Variants in NUP98 observed in about 807,000 individuals in gnomAD.
The protein encoded by NUP98 is nuclear pore complex protein Nup98-Nup96.
NUP98 carries 26 observed loss-of-function variants against 191.9 expected under a neutral mutation model. The observed-to-expected ratio is 0.14, with a 90% confidence interval of 0.10 to 0.19. The LOEUF (loss-of-function observed/expected upper bound fraction) is 0.19, where lower values mean the gene tolerates loss of function less well. NUP98 is among the 10% of genes least tolerant of loss of function. The pLI is 1.00. For synonymous variants in NUP98, 808 were observed against 778.4 expected (o/e 1.04, Z -0.63); for missense variants, 1,941 against 2,178.8 (o/e 0.89, Z 2.17).
intron 10 of NUP98, among the ~76,000 whole-genome samples, chr11:3,754,431 T>C (rs1269429992): frequency 6.6e-6 from 1 of 151,814 alleles, no homozygotes; most frequent in African/African-American, 2.4e-5. Context: ...TCAAAAAAAA[T>C]ACAAAATAAA....
intron 17 of NUP98, 55 bp downstream of exon 17, chr11:3,720,657 C>CA: frequency 1.0e-6 from 1 of 961,714 alleles, no homozygotes; most frequent in East Asian, 2.5e-5. Flanking sequence ...CCCCTAATTA[C>CA]AAAAATAAGG....
At chr11:3,753,289 C>T in intron 11 of NUP98, 27 bp downstream of exon 11, 1 of 1,558,628 alleles carries the variant, frequency 6.4e-7, no homozygotes. Flanking sequence ...GTGTCACTTC[C>T]TAGATCTCAT....
intron 23 of NUP98, 152 bp downstream of exon 23, chr11:3,702,311 A>ACTCTCT (rs2078716567): frequency 1.0e-4 from 43 of 424,052 alleles, no homozygotes; most frequent in African/African-American, 1.3e-4. Context: ...ACACACACAC[A>ACTCTCT]CACTCTCTCT....
At chr11:3,777,620 C>CAAAAA (rs35614116) in intron 4 of NUP98, among the ~76,000 whole-genome samples, 7 of 59,410 alleles carry the variant, frequency 1.2e-4, no homozygotes, top group African/African-American at 1.3e-4. Context: ...GACTCCGTCT[C>CAAAAA]AAAAAAAAAA....
At chr11:3,694,192 G>A (rs2078422258) in intron 26 of NUP98, among the ~76,000 whole-genome samples, 1 of 151,870 alleles carries the variant, frequency 6.6e-6, no homozygotes, top group South Asian at 2.1e-4. Flanking sequence ...GCCAACATGG[G>A]GAAACCCGTC....
intron 11 of NUP98, among the ~76,000 whole-genome samples, chr11:3,746,294 A>AAAAAAAG (rs144936005): frequency 0.017 from 1,553 of 92,134 alleles, 184 homozygotes; most frequent in African/African-American, 0.033. Context: ...AAAAAAAAAA[A>AAAAAAAG]GACAGCTTTG....
rs760832963 is a variant in NUP98, at chr11:3,735,315, T to G, written c.1418A>C (p.Asp473Ala). 1 of 1,529,044 alleles carries G rather than the reference T, an allele frequency of 6.5e-7. No homozygotes were observed. The highest frequency in any genetic ancestry group is 8.8e-7 in the Non-Finnish European group (1 of 1,139,090). 94.7% of individuals were successfully genotyped at this position (1,529,044 alleles called of 1,614,324 possible). A position where few individuals can be genotyped will look rare whatever the true frequency, so the allele number is the denominator to read the frequency against. The change falls in exon 13 of 33, where the codon GAT becomes GCT. Residue 473 changes from aspartate to alanine, a missense_variant. This residue lies in a region of NUP98 where 453 missense variants were observed against 438.2 expected (regional missense o/e 1.03). Transcript: ENST00000324932. Reference protein sequence around the residue: ...GAPQAPVALTDPNASAAQQAV... With the variant: ...GAPQAPVALTAPNASAAQQAV... ...CTGCTGGGCAGCAGAAGCATTTGGA[T>G]CTGTCAAAGCTTTTAAAAAAAAAAA...
chr11:3,707,801 T>C (rs532861619), intron 20 of NUP98, among the ~76,000 whole-genome samples: 1 of 143,722 alleles, frequency 7.0e-6, no homozygotes, highest in Non-Finnish European at 1.5e-5. Context: ...GGGCTCCCAC[T>C]TAAATTTTAA....
chr11:3,707,065 TA>T (rs1212356405), intron 20 of NUP98, among the ~76,000 whole-genome samples: 1 of 152,208 alleles, frequency 6.6e-6, no homozygotes, highest in Non-Finnish European at 1.5e-5. Context: ...TGCTTTTTCT[TA>T]AAAACATTTA....
chr11:3,765,157 G>C lies in NUP98; in HGVS notation c.949-2118C>G, dbSNP rs145163233. Among the ~76,000 whole-genome samples the C allele has an allele frequency of 2.5e-3, 376 of 152,282 alleles. 1 individual carries two copies. The highest frequency in any genetic ancestry group is 8.9e-3 in the African/African-American group (368 of 41,568). On this transcript the variant is annotated intron_variant, in intron 8 of 32. Transcript: ENST00000324932. The stretch of plus-strand genomic sequence containing the variant: ...TTCCACTTACAGGTCTTTTCACTTT[G>C]ATGATATCCCTTTGATATATAAATG...
At chr11:3,707,734 G>A (rs2078900705) in intron 20 of NUP98, among the ~76,000 whole-genome samples, 1 of 4,668 alleles carries the variant, frequency 2.1e-4, no homozygotes, top group Non-Finnish European at 3.5e-4. Context: ...ATGAGACTCT[G>A]TCTCAAAAAA....
At chr11:3,758,868 G>A (rs187599363) in intron 10 of NUP98, among the ~76,000 whole-genome samples, 2 of 152,102 alleles carry the variant, frequency 1.3e-5, no homozygotes, top group Non-Finnish European at 2.9e-5. Context: ...GCCTCAAAAC[G>A]GTTGTTTCAA....
rs760905852 is a variant in NUP98, at chr11:3,776,059, G to A, written c.356-38C>T. 2.7e-6 allele frequency: 4 copies of A among 1,502,404 alleles called. No homozygotes were observed. In the East Asian group the frequency reaches 9.2e-5, roughly 35 times the overall value. 93.1% of individuals were successfully genotyped at this position (1,502,404 alleles called of 1,614,324 possible). A position where few individuals can be genotyped will look rare whatever the true frequency, so the allele number is the denominator to read the frequency against. On this transcript the variant is annotated intron_variant, in intron 4 of 32. Coordinates refer to ENST00000324932, the MANE Select transcript of NUP98 (RefSeq NM_016320.5). ...AAGAAAAATGAGACGATAACAGTAA[G>A]AAATTTAAGAATGTATAAGATGCAT...
At chr11:3,750,957 C>A (rs1234040087) in intron 11 of NUP98, among the ~76,000 whole-genome samples, 1 of 152,156 alleles carries the variant, frequency 6.6e-6, no homozygotes, top group Non-Finnish European at 1.5e-5. Context: ...AATTCTACTT[C>A]ATTTTCTTCA....
intron 2 of NUP98, among the ~76,000 whole-genome samples, chr11:3,780,746 G>C (rs2081940639): frequency 6.6e-6 from 1 of 151,464 alleles, no homozygotes; most frequent in Non-Finnish European, 1.5e-5. Flanking sequence ...GACTAGCCTG[G>C]GCAACACGGC....
intron 12 of NUP98, 27 bp from the exon 13 acceptor site, chr11:3,735,351 A>AAT (rs144227838): frequency 0.085 from 87,207 of 1,031,562 alleles, 1,433 homozygotes; most frequent in Non-Finnish European, 0.091. Context: ...AAGAAAACAA[A>AAT]ATATATATAT....
At position 3,775,907 on chromosome 11, in the gene NUP98, G is replaced by A. The variant is rs769185645; in HGVS notation, c.470C>T (p.Pro157Leu). 2 of 1,613,496 alleles carry A rather than the reference G, an allele frequency of 1.2e-6. No individual in the cohort carries two copies. The highest frequency in any genetic ancestry group is 8.5e-7 in the Non-Finnish European group (1 of 1,179,752). ...GTTAAATTTAATAGTAGTCCCAGTA[G>A]GAGCAGCTGTAAAACTACTTGGCCC... is the stretch of plus-strand genomic sequence containing the variant. ...LFGPSSFTAA[P>L]TGTTIKFNPP... Residue 157 changes from proline (P) to leucine (L), a missense_variant, in exon 5 of 33, where the codon CCT becomes CTT. Around this residue, in one of 6 missense-constraint regions of NUP98, gnomAD observed 154 missense variants for 182.9 expected, o/e 0.84. Coordinates refer to ENST00000324932, the MANE Select transcript of NUP98 (RefSeq NM_016320.5).
chr11:3,743,503 T>C lies in NUP98; in HGVS notation c.1408+1006A>G, dbSNP rs185633329. Among the ~76,000 whole-genome samples the C allele has an allele frequency of 2.8e-3, 408 of 148,038 alleles. 3 individuals are homozygous for C. Among genetic ancestry groups the C allele is most frequent in the African/African-American group, 9.4e-3 (381 of 40,438 alleles). On this transcript the variant is annotated intron_variant, in intron 12 of 32. Transcript: ENST00000324932. ...CTACTGAAAATACAAAAAAATTAGC[T>C]GGGCATGGTGGCGGGCACCTGTAGT...
chr11:3,678,686 C>T (rs1026163276), intron 31 of NUP98, among the ~76,000 whole-genome samples: 10 of 152,000 alleles, frequency 6.6e-5, no homozygotes, highest in African/African-American at 2.4e-4. Context: ...AAGGCTGGAA[C>T]GTGGAATAAG....
Sources: allele counts gnomAD v4.1 joint callset (sites outside exome capture counted in the v4.1 genomes callset), GRCh38; gene constraint gnomAD v4.1.1; regional missense constraint gnomAD v4.1.1; transcripts MANE v1.5; gene names NCBI Gene and HGNC (gene_info 2026-07-23, HGNC 2026-07-21).